Variants in HEMK2 observed in about 807,000 individuals in gnomAD.
HEMK2 encodes the protein methyltransferase HEMK2.
the HEMK2 span, among the ~76,000 whole-genome samples, chr21:28,668,370 G>A: frequency 2.0e-5 from 3 of 152,158 alleles, no homozygotes; most frequent in Non-Finnish European, 4.4e-5. Context: ...TAGCCATGGT[G>A]ACTATGCTCC....
At chr21:28,634,186 C>A in the HEMK2 span, among the ~76,000 whole-genome samples, 3 of 152,174 alleles carry the variant, frequency 2.0e-5, no homozygotes, top group South Asian at 6.2e-4. Flanking sequence ...TTGCTTAGAT[C>A]TGACTTCCCA....
At chr21:28,860,980 G>A in the HEMK2 span, among the ~76,000 whole-genome samples, 1 of 152,210 alleles carries the variant, frequency 6.6e-6, no homozygotes, top group Non-Finnish European at 1.5e-5. Flanking sequence ...TAGAAAAAGG[G>A]ATCCAAAGGC....
chr21:28,587,298 T>A, the HEMK2 span, among the ~76,000 whole-genome samples: 1 of 152,238 alleles, frequency 6.6e-6, no homozygotes, highest in African/African-American at 2.4e-5. Flanking sequence ...CTAACCTGGG[T>A]TGTGGGTTGT....
the HEMK2 span, among the ~76,000 whole-genome samples, chr21:28,615,452 T>C: frequency 6.7e-6 from 1 of 149,932 alleles, no homozygotes; most frequent in African/African-American, 2.5e-5. Flanking sequence ...AGAATGATAA[T>C]GAGATTAGAC....
At chr21:28,776,696 G>A in the HEMK2 span, among the ~76,000 whole-genome samples, 3 of 152,188 alleles carry the variant, frequency 2.0e-5, no homozygotes, top group South Asian at 6.2e-4. Flanking sequence ...GTGGCTAAAG[G>A]CCTGAGAGTC....
chr21:28,632,884 G>A, the HEMK2 span, among the ~76,000 whole-genome samples: 2 of 152,180 alleles, frequency 1.3e-5, no homozygotes, highest in African/African-American at 4.8e-5. Flanking sequence ...ACGGTGGGAT[G>A]AGCAAAAAGC....
the HEMK2 span, among the ~76,000 whole-genome samples, chr21:28,814,618 A>C: frequency 4.6e-5 from 7 of 152,274 alleles, no homozygotes; most frequent in South Asian, 1.4e-3. Flanking sequence ...CAGCCAAAAA[A>C]CACATGAAAA....
the HEMK2 span, among the ~76,000 whole-genome samples, chr21:28,641,054 A>G: frequency 1.3e-5 from 2 of 152,050 alleles, no homozygotes; most frequent in East Asian, 3.9e-4. Flanking sequence ...CCTCTTTGTT[A>G]TTGTCTTTTT....
the HEMK2 span, among the ~76,000 whole-genome samples, chr21:28,660,183 T>A: frequency 6.6e-6 from 1 of 151,912 alleles, no homozygotes; most frequent in Non-Finnish European, 1.5e-5. Context: ...ACAAATCAAT[T>A]CTCATAATTT....
chr21:28,626,117 AACTG>A, the HEMK2 span, among the ~76,000 whole-genome samples: 1 of 152,166 alleles, frequency 6.6e-6, no homozygotes, highest in African/African-American at 2.4e-5. Flanking sequence ...CTTAAAAGAC[AACTG>A]ACTATTTAAA....
chr21:28,736,982 T>C, the HEMK2 span, among the ~76,000 whole-genome samples: 34,722 of 151,908 alleles, frequency 0.23, 4,606 homozygotes, highest in African/African-American at 0.35. Context: ...AAAATTTGAG[T>C]AGCTGGGGAG....
chr21:28,736,217 ACTT>A, the HEMK2 span, among the ~76,000 whole-genome samples: 2 of 152,208 alleles, frequency 1.3e-5, no homozygotes, highest in Non-Finnish European at 2.9e-5. Context: ...GAGAGAGCCC[ACTT>A]CTAGTTATTA....
chr21:28,731,613 G>C, the HEMK2 span, among the ~76,000 whole-genome samples: 1 of 148,230 alleles, frequency 6.7e-6, no homozygotes. Context: ...TTGTGGGGTA[G>C]GGGGAGGGGG....
the HEMK2 span, among the ~76,000 whole-genome samples, chr21:28,841,388 T>C: frequency 3.4e-5 from 1 of 29,292 alleles, no homozygotes; most frequent in South Asian, 8.3e-4. Context: ...ATATAATATA[T>C]AAAATATTAT....
chr21:28,832,401 G>A, the HEMK2 span, among the ~76,000 whole-genome samples: 1 of 152,266 alleles, frequency 6.6e-6, no homozygotes, highest in East Asian at 1.9e-4. Flanking sequence ...CTCTCCAAGA[G>A]TCTCCATTAC....
the HEMK2 span, among the ~76,000 whole-genome samples, chr21:28,669,186 C>G: frequency 2.0e-5 from 3 of 152,194 alleles, no homozygotes; most frequent in South Asian, 6.2e-4. Context: ...TGGTGAAACC[C>G]TGTCTTTACC....
At chr21:28,762,972 G>C in the HEMK2 span, among the ~76,000 whole-genome samples, 3 of 152,108 alleles carry the variant, frequency 2.0e-5, no homozygotes, top group Non-Finnish European at 2.9e-5. Context: ...TTCAGCTTAG[G>C]GGAAACAGGA....
the HEMK2 span, among the ~76,000 whole-genome samples, chr21:28,584,684 G>T: frequency 6.6e-6 from 1 of 152,142 alleles, no homozygotes; most frequent in African/African-American, 2.4e-5. Context: ...GCCCAGGGGA[G>T]CAGGGTACTG....
At chr21:28,695,314 G>C in the HEMK2 span, among the ~76,000 whole-genome samples, 1 of 152,128 alleles carries the variant, frequency 6.6e-6, no homozygotes, top group African/African-American at 2.4e-5. Context: ...GGGGCCTAAT[G>C]ACAGGTATTT....
Sources: gnomAD v4.1 joint callset for allele counts (sites outside exome capture counted in the v4.1 genomes callset) on GRCh38, gnomAD v4.1.1 for gene constraint, MANE v1.5 for transcripts, NCBI Gene and HGNC (gene_info 2026-07-23, HGNC 2026-07-21) for gene names.